SHROOM3: variants seen among roughly 807,000 people sequenced by gnomAD.
SHROOM3 encodes the protein shroom family member 3.
A neutral mutation model predicts 138.6 loss-of-function variants in SHROOM3; 47 were observed. The ratio of observed to expected loss-of-function variants is 0.34; its 90% CI spans 0.27 to 0.43. The LOEUF is 0.43. Among genes scored for constraint, SHROOM3 ranks in the 20% least tolerant of loss-of-function variants. The probability of loss-of-function intolerance (pLI) is 1.00; values close to 1 mark genes in which losing one functional copy is unlikely to be tolerated. For synonymous variants in SHROOM3, 1,062 were observed against 1,063.3 expected (o/e 1.00, Z 0.02); for missense variants, 2,491 against 2,596.5 (o/e 0.96, Z 0.88).
intron 3 of SHROOM3, among the ~76,000 whole-genome samples, chr4:76,718,413 G>C (rs568532392): frequency 6.6e-6 from 1 of 152,298 alleles, no homozygotes; most frequent in African/African-American, 2.4e-5. Context: ...CAGCTGCTCT[G>C]CCTTAAAACC....
intron 1 of SHROOM3, among the ~76,000 whole-genome samples, chr4:76,450,431 A>C (rs559904825): frequency 1.0e-3 from 156 of 152,350 alleles, no homozygotes; most frequent in Admixed American, 1.4e-3. Flanking sequence ...ACAGAGACTC[A>C]TACTCAAATG....
At chr4:76,578,475 T>C (rs1025813614) in intron 2 of SHROOM3, among the ~76,000 whole-genome samples, 3 of 152,326 alleles carry the variant, frequency 2.0e-5, no homozygotes, top group African/African-American at 7.2e-5. Context: ...CTTTGTGAAC[T>C]GCATGGGGTT....
intron 2 of SHROOM3, among the ~76,000 whole-genome samples, chr4:76,608,683 C>T (rs58092848): frequency 0.28 from 8,005 of 28,422 alleles, 876 homozygotes; most frequent in East Asian, 0.35. Flanking sequence ...TAGCACAGCA[C>T]AGCACAGCAC....
At chr4:76,473,213 G>C (rs1731415931) in intron 1 of SHROOM3, among the ~76,000 whole-genome samples, 1 of 152,164 alleles carries the variant, frequency 6.6e-6, no homozygotes, top group African/African-American at 2.4e-5. Flanking sequence ...GGATACTATT[G>C]AGAAAGTAAA....
At chr4:76,638,746 C>G (rs922808321) in intron 2 of SHROOM3, 1 of 152,126 alleles carries the variant, frequency 6.6e-6, no homozygotes, top group Non-Finnish European at 1.5e-5. Context: ...AGGAATAAGG[C>G]AAGGTAGCTA....
At chr4:76,614,534 A>T (rs1183310666) in intron 2 of SHROOM3, among the ~76,000 whole-genome samples, 2 of 152,250 alleles carry the variant, frequency 1.3e-5, no homozygotes, top group East Asian at 3.9e-4. Flanking sequence ...CAGGTTTGTT[A>T]CATAGGTATA....
chr4:76,630,198 T>C (rs1255073979), intron 2 of SHROOM3, among the ~76,000 whole-genome samples: 1 of 152,194 alleles, frequency 6.6e-6, no homozygotes, highest in Non-Finnish European at 1.5e-5. Context: ...AATCCTCTCA[T>C]TTTACAGATA....
At chr4:76,762,429 A>G (rs1164650272) in intron 9 of SHROOM3, among the ~76,000 whole-genome samples, 1 of 152,194 alleles carries the variant, frequency 6.6e-6, no homozygotes, top group Non-Finnish European at 1.5e-5. Flanking sequence ...AACAGCTCAC[A>G]TTTGTTTTCT....
In SHROOM3 at chr4:76,539,394, C is replaced by T. The variant is rs181749012; in HGVS notation, c.169-16215C>T. On this transcript the variant is annotated intron_variant, in intron 1 of 10. Coordinates refer to ENST00000296043, the MANE Select transcript of SHROOM3 (RefSeq NM_020859.4). Reference sequence around the variant, plus strand: ...GCCAACTTCCAGATTGGCATAGAGTCACTCTGATTGTTTACTTTAGTGTGC... The same window carrying T: ...GCCAACTTCCAGATTGGCATAGAGTTACTCTGATTGTTTACTTTAGTGTGC... 3.6e-3 allele frequency among the ~76,000 whole-genome samples: 550 copies of T among 152,234 alleles called. 4 individuals carry two copies. The highest frequency in any genetic ancestry group is 4.0e-3 in the Non-Finnish European group (270 of 68,022).
chr4:76,514,895 C>T (rs1254800484), intron 1 of SHROOM3, among the ~76,000 whole-genome samples: 1 of 152,006 alleles, frequency 6.6e-6, no homozygotes, highest in Non-Finnish European at 1.5e-5. Context: ...AGTTCAAGAC[C>T]AGCCTGGGAA....
At chr4:76,674,864 T>C (rs923556126) in intron 2 of SHROOM3, among the ~76,000 whole-genome samples, 1 of 152,048 alleles carries the variant, frequency 6.6e-6, no homozygotes, top group African/African-American at 2.4e-5. Flanking sequence ...CATGTCAAGT[T>C]TCTAGAAGCC....
At chr4:76,761,209 G>T (rs533565338) in intron 9 of SHROOM3, among the ~76,000 whole-genome samples, 2 of 152,046 alleles carry the variant, frequency 1.3e-5, no homozygotes, top group Non-Finnish European at 2.9e-5. Flanking sequence ...TTATTCCCCA[G>T]TGTCTGCTGG....
At chr4:76,522,961 C>T (rs968388670) in intron 1 of SHROOM3, among the ~76,000 whole-genome samples, 6 of 152,050 alleles carry the variant, frequency 3.9e-5, no homozygotes, top group Non-Finnish European at 4.4e-5. Flanking sequence ...TATGGCTATA[C>T]TATTAGTTTC....
At chr4:76,660,242 T>C (rs913646995) in intron 2 of SHROOM3, among the ~76,000 whole-genome samples, 6 of 152,196 alleles carry the variant, frequency 3.9e-5, no homozygotes, top group African/African-American at 1.4e-4. Context: ...AGGAGCCCTT[T>C]GCAGGACTAT....
At chr4:76,551,915 G>A (rs535434158) in intron 1 of SHROOM3, among the ~76,000 whole-genome samples, 51 of 151,338 alleles carry the variant, frequency 3.4e-4, no homozygotes, top group Non-Finnish European at 6.3e-4. Flanking sequence ...AGGCTGGAGT[G>A]CAGTGGTGCG....
chr4:76,478,011 C>A (rs4859681), intron 1 of SHROOM3, among the ~76,000 whole-genome samples: 64,917 of 152,008 alleles, frequency 0.43, 14,966 homozygotes, highest in Non-Finnish European at 0.52. Context: ...GGTGCCTACA[C>A]CACCAGGGCC....
intron 2 of SHROOM3, among the ~76,000 whole-genome samples, chr4:76,644,642 T>C (rs1735772366): frequency 6.6e-6 from 1 of 152,180 alleles, no homozygotes; most frequent in African/African-American, 2.4e-5. Flanking sequence ...TGTGATGATT[T>C]GATACATGTA....
At chr4:76,468,558 T>C (rs993678694) in intron 1 of SHROOM3, among the ~76,000 whole-genome samples, 3 of 151,156 alleles carry the variant, frequency 2.0e-5, no homozygotes, top group African/African-American at 7.3e-5. Flanking sequence ...ATTATGTTAA[T>C]TCATAATTAT....
intron 2 of SHROOM3, among the ~76,000 whole-genome samples, chr4:76,584,744 G>T (rs1734118954): frequency 1.3e-5 from 2 of 152,214 alleles, no homozygotes; most frequent in Non-Finnish European, 2.9e-5. Flanking sequence ...GGCTTGCTGG[G>T]AGTAGCCTAT....
Sources: allele counts gnomAD v4.1 joint callset (sites outside exome capture counted in the v4.1 genomes callset), GRCh38; gene constraint gnomAD v4.1.1; transcripts MANE v1.5; gene names NCBI Gene and HGNC (gene_info 2026-07-23, HGNC 2026-07-21).